Variants in TXNL1 observed in about 807,000 individuals in gnomAD.
TXNL1 encodes thioredoxin like 1.
In TXNL1, 14 loss-of-function variants were observed where a neutral mutation model predicts 35.5. The ratio of observed to expected loss-of-function variants is 0.39; its 90% CI spans 0.26 to 0.62. TXNL1 has a LOEUF of 0.62. TXNL1 is among the 20% of genes least tolerant of loss of function. The pLI, the probability that TXNL1 is intolerant of heterozygous loss-of-function variation, is 0.47. For missense variants in TXNL1, 263 were observed against 349.7 expected (o/e 0.75, Z 1.98); for synonymous variants, 110 against 115.5 (o/e 0.95, Z 0.31).
rs1300476966 is a variant in TXNL1 at position 56,602,638 on chromosome 18, T to C, written c.*389A>G. The C allele has an allele frequency of 2.1e-5, 4 of 193,338 alleles. No individual in the cohort carries two copies. Among genetic ancestry groups the C allele is most frequent in the East Asian group, 1.4e-4 (1 of 7,374 alleles). 12.0% of individuals were successfully genotyped at this position (193,338 alleles called of 1,614,324 possible). On this transcript the variant is annotated 3_prime_UTR_variant, in exon 8 of 8. Coordinates refer to ENST00000217515, the MANE Select transcript of TXNL1 (RefSeq NM_004786.3). ...TGGTTAGCTGTTCCAGGTTCACTTA[T>C]CAAAATAACTTGCCATGAATGTGTA...
At chr18:56,611,502 CAA>C (rs201498465) in intron 6 of TXNL1, among the ~76,000 whole-genome samples, 11 of 98,508 alleles carry the variant, frequency 1.1e-4, no homozygotes, top group Admixed American at 1.1e-4. Flanking sequence ...AACTCTGGCT[CAA>C]AAAAAAAAAA....
At chr18:56,620,266 CATG>C (rs942387442) in intron 3 of TXNL1, among the ~76,000 whole-genome samples, 5 of 152,144 alleles carry the variant, frequency 3.3e-5, no homozygotes, top group African/African-American at 9.6e-5. Context: ...ACACCCAGCC[CATG>C]ATGATATTAT....
chr18:56,614,354 ACCTAG>A, intron 6 of TXNL1, 65 bp downstream of exon 6: 1 of 1,380,866 alleles, frequency 7.2e-7, no homozygotes, highest in Non-Finnish European at 1.0e-6. Context: ...ACTTAGACTT[ACCTAG>A]GATACTGAAA....
chr18:56,616,418 CTAATTCATCGAACAAAACCAACG>C, intron 4 of TXNL1, 104 bp from the exon 5 acceptor site: 2 of 1,045,890 alleles, frequency 1.9e-6, no homozygotes, highest in Non-Finnish European at 2.8e-6. Flanking sequence ...AAAAACCAAC[CTAATTCATCGAACAAAACCAACG>C]TAATATGAAA....
intron 6 of TXNL1, among the ~76,000 whole-genome samples, chr18:56,611,934 C>G (rs111670790): frequency 0.024 from 3,640 of 150,798 alleles, 159 homozygotes; most frequent in African/African-American, 0.084. Flanking sequence ...CTGCAACCTC[C>G]ACCTCTCAGG....
At chr18:56,625,465 A>G (rs527247906) in intron 2 of TXNL1, among the ~76,000 whole-genome samples, 6 of 152,152 alleles carry the variant, frequency 3.9e-5, no homozygotes, top group Non-Finnish European at 8.8e-5. Flanking sequence ...CTTTCCGTAC[A>G]TATCAATATG....
At chr18:56,619,537 C>CAAA (rs71169375) in intron 3 of TXNL1, among the ~76,000 whole-genome samples, 3 of 82,048 alleles carry the variant, frequency 3.7e-5, no homozygotes, top group African/African-American at 1.2e-4. Flanking sequence ...ACTCTGTCTC[C>CAAA]AAAAAAAAAA....
chr18:56,612,015 A>ATTTTTTTTTTTTTTTT (rs1217872694), intron 6 of TXNL1, among the ~76,000 whole-genome samples: 1 of 105,478 alleles, frequency 9.5e-6, no homozygotes, highest in African/African-American at 4.6e-5. Flanking sequence ...CGCCCGGCTA[A>ATTTTTTTTTTTTTTTT]TCTTTTTTTT....
Position 56,599,871 on chromosome 18 carries a change from C to CT in TXNL1, c.*3155dup, listed in dbSNP as rs1457304491. The CT allele has an allele frequency of 6.6e-6, 1 of 151,962 alleles. No individual in the cohort carries two copies. Among genetic ancestry groups the CT allele is most frequent in the African/African-American group, 2.4e-5 (1 of 41,352 alleles). 9.4% of individuals were successfully genotyped at this position (151,962 alleles called of 1,614,324 possible). ...ACTGTTCCCAGCTGGATTTCTTACT[C>CT]TAAGTTACTTATCTTAAAAAAAAAA... On this transcript the variant is annotated 3_prime_UTR_variant, in exon 8 of 8. Coordinates refer to ENST00000217515, the MANE Select transcript of TXNL1 (RefSeq NM_004786.3).
At chr18:56,616,869 G>C (rs992832498) in intron 4 of TXNL1, among the ~76,000 whole-genome samples, 3 of 152,178 alleles carry the variant, frequency 2.0e-5, no homozygotes, top group Admixed American at 2.0e-4. Flanking sequence ...CCACATAAGG[G>C]AAGAGGAATA....
rs1229048856 is a variant in TXNL1 at position 56,599,493 on chromosome 18, A to C, written c.*3534T>G. ...ACAAAACTGTAAAATACACACCTCT[A>C]ATAATGAGTTTTAAAGCTAAATGAG... On this transcript the variant is annotated 3_prime_UTR_variant, in exon 8 of 8. Coordinates refer to ENST00000217515, the MANE Select transcript of TXNL1 (RefSeq NM_004786.3). 1 of 152,102 alleles carries C rather than the reference A, an allele frequency of 6.6e-6. No individual in the cohort carries two copies. The highest frequency in any genetic ancestry group is 1.5e-5 in the Non-Finnish European group (1 of 68,016). The allele number at this position is 152,102 out of a possible 1,614,324, so 9.4% of individuals were successfully genotyped here. A position where few individuals can be genotyped will look rare whatever the true frequency, so the allele number is the denominator to read the frequency against.
chr18:56,610,791 T>C, intron 7 of TXNL1: 1 of 383,312 alleles, frequency 2.6e-6, no homozygotes, highest in East Asian at 5.4e-5. Flanking sequence ...TAAGACATCA[T>C]TTTTTATTAA....
rs944495962 is a variant in TXNL1 at position 56,629,738 on chromosome 18, G to A, written c.99-3281C>T. 2.6e-5 allele frequency among the ~76,000 whole-genome samples: 4 copies of A among 152,164 alleles called. No homozygotes were observed. The East Asian group carries it at 7.7e-4, about 29-fold the overall frequency. ...TTTAGTGTTAACTGCATTTACACAGGTGTCACAAATTACAGAGGTATCCAT... is the reference window on the plus strand; with the variant it reads ...TTTAGTGTTAACTGCATTTACACAGATGTCACAAATTACAGAGGTATCCAT... On this transcript the variant is annotated intron_variant, in intron 1 of 7. Coordinates refer to ENST00000217515, the MANE Select transcript of TXNL1 (RefSeq NM_004786.3).
intron 3 of TXNL1, among the ~76,000 whole-genome samples, chr18:56,621,930 G>A (rs1218189032): frequency 6.6e-6 from 1 of 151,264 alleles, no homozygotes; most frequent in Middle Eastern, 3.4e-3. Flanking sequence ...CGAGCGGCAG[G>A]GGCAGGGGCC....
chr18:56,623,623 G>A lies in TXNL1; in HGVS notation c.369+665C>T, dbSNP rs114126625. ...TACTTCCAAATTTTGCTTCCTTCTT[G>A]AATAGCTCTCAAATTAAAAATGCTG... is the stretch of plus-strand genomic sequence containing the variant. On this transcript the variant is annotated intron_variant, in intron 3 of 7. Coordinates refer to ENST00000217515, the MANE Select transcript of TXNL1 (RefSeq NM_004786.3). Among the ~76,000 whole-genome samples, 1,317 of 152,064 alleles carry A rather than the reference G, an allele frequency of 8.7e-3. 18 individuals carry two copies. Among genetic ancestry groups the A allele is most frequent in the African/African-American group, 0.03 (1,262 of 41,474 alleles).
intron 2 of TXNL1, among the ~76,000 whole-genome samples, chr18:56,625,879 C>G (rs1332032938): frequency 1.3e-5 from 2 of 152,134 alleles, no homozygotes; most frequent in African/African-American, 2.4e-5. Context: ...ACCATTCCAA[C>G]TAAATAATCA....
chr18:56,621,333 T>G (rs2024180110), intron 3 of TXNL1, among the ~76,000 whole-genome samples: 1 of 152,058 alleles, frequency 6.6e-6, no homozygotes, highest in East Asian at 1.9e-4. Flanking sequence ...TTGCTGGGAC[T>G]ACAGCAGTGT....
At chr18:56,618,942 G>C (rs1023962598) in intron 3 of TXNL1, among the ~76,000 whole-genome samples, 6 of 151,986 alleles carry the variant, frequency 3.9e-5, no homozygotes, top group African/African-American at 1.5e-4. Flanking sequence ...TGGTACGATG[G>C]CTCATGCTTC....
In TXNL1 at chr18:56,624,370, G is replaced by A; in HGVS notation, c.287C>T (p.Ala96Val). 1 of 1,613,768 alleles carries A rather than the reference G, an allele frequency of 6.2e-7. No homozygotes were observed. The highest frequency in any genetic ancestry group is 8.5e-7 in the Non-Finnish European group (1 of 1,179,838). ...CTTGATTTTTTCTTCTAATCCCACA[G>A]CATCTGCTCCTTGATATTGATCAAT... Reference protein sequence around the residue: ...VRIDQYQGADAVGLEEKIKQH... With the variant: ...VRIDQYQGADVVGLEEKIKQH... The change falls in exon 3 of 8, where the codon GCT becomes GTT. Residue 96 changes from alanine to valine, a missense_variant. By Grantham distance (64) the Ala-to-Val change is moderately conservative. Coordinates refer to ENST00000217515, the MANE Select transcript of TXNL1 (RefSeq NM_004786.3).
Sources: allele counts gnomAD v4.1 joint callset (sites outside exome capture counted in the v4.1 genomes callset), GRCh38; gene constraint gnomAD v4.1.1; transcripts MANE v1.5; gene names NCBI Gene and HGNC (gene_info 2026-07-23, HGNC 2026-07-21).